The following NELL1 variants were observed in gnomAD, a reference collection of about 807,000 sequenced individuals.
NELL1 encodes the protein neural EGFL like 1.
In NELL1, 76 loss-of-function variants were observed where a neutral mutation model predicts 107.4. That is an observed-to-expected ratio of 0.71 (90% CI 0.59 to 0.86). NELL1 has a LOEUF of 0.86. Ranked by LOEUF, NELL1 falls within the 40% of genes least tolerant of loss-of-function variation. The pLI is 0.00. For missense variants in NELL1, 1,024 were observed against 1,005.5 expected, an observed-to-expected ratio of 1.02 and a Z score of -0.25; for synonymous variants, 353 against 341.2, an observed-to-expected ratio of 1.03 and a Z score of -0.38.
intron 12 of NELL1, among the ~76,000 whole-genome samples, chr11:20,969,449 G>C (rs1399706866): frequency 1.3e-5 from 2 of 152,040 alleles, no homozygotes; most frequent in East Asian, 3.9e-4. Context: ...AATTAAGAGA[G>C]TCTTCAAACC....
At chr11:21,371,188 C>T (rs1851352258) in intron 15 of NELL1, among the ~76,000 whole-genome samples, 2 of 152,092 alleles carry the variant, frequency 1.3e-5, no homozygotes, top group African/African-American at 4.8e-5. Context: ...AGTATTTTCT[C>T]TGCTATAGCT....
intron 12 of NELL1, among the ~76,000 whole-genome samples, chr11:20,971,913 A>T (rs1851508326): frequency 6.6e-6 from 1 of 152,050 alleles, no homozygotes; most frequent in South Asian, 2.1e-4. Flanking sequence ...TCCTCAACAA[A>T]CTAACACAGG....
At chr11:20,689,082 A>G (rs1354351851) in intron 2 of NELL1, among the ~76,000 whole-genome samples, 1 of 151,936 alleles carries the variant, frequency 6.6e-6, no homozygotes, top group Non-Finnish European at 1.5e-5. Context: ...TTCTTTTGAA[A>G]AGTGTTTGTT....
intron 12 of NELL1, among the ~76,000 whole-genome samples, chr11:21,001,279 G>T (rs968862267): frequency 1.3e-5 from 2 of 152,188 alleles, no homozygotes; most frequent in East Asian, 3.9e-4. Context: ...CATTTATTTG[G>T]ACAAAGTTGT....
intron 14 of NELL1, among the ~76,000 whole-genome samples, chr11:21,316,914 G>T (rs1431114650): frequency 6.6e-6 from 1 of 151,922 alleles, no homozygotes; most frequent in East Asian, 1.9e-4. Flanking sequence ...CAAAGGCTGG[G>T]GTGGGAACAC....
intron 9 of NELL1, among the ~76,000 whole-genome samples, chr11:20,929,178 C>A (rs1328307401): frequency 6.6e-6 from 1 of 152,134 alleles, no homozygotes; most frequent in Non-Finnish European, 1.5e-5. Context: ...AAGCCCATAG[C>A]CTTTTTATCA....
intron 5 of NELL1, 81 bp from the exon 6 acceptor site, chr11:20,918,101 G>T: frequency 2.5e-6 from 2 of 811,428 alleles, no homozygotes; most frequent in South Asian, 1.4e-5. Context: ...AATCTGACCT[G>T]CCAAGAGTAT....
At chr11:20,881,212 C>G (rs1032556746) in intron 4 of NELL1, among the ~76,000 whole-genome samples, 2 of 152,204 alleles carry the variant, frequency 1.3e-5, no homozygotes, top group African/African-American at 4.8e-5. Flanking sequence ...AATAAAGAAC[C>G]TGTCTGTGAC....
intron 15 of NELL1, among the ~76,000 whole-genome samples, chr11:21,514,323 G>A (rs1855506903): frequency 6.6e-6 from 1 of 152,082 alleles, no homozygotes; most frequent in Admixed American, 6.6e-5. Flanking sequence ...TGAAGATGTT[G>A]GAGTTCCATG....
At chr11:20,670,847 C>T (rs547687560) in intron 1 of NELL1, among the ~76,000 whole-genome samples, 3 of 152,310 alleles carry the variant, frequency 2.0e-5, no homozygotes, top group Admixed American at 2.0e-4. Flanking sequence ...CTTTACCATC[C>T]TTATTTCCTT....
rs549710402 is a variant in NELL1 at position 21,377,839 on chromosome 11, T to C, written c.1645+6891T>C. Among the ~76,000 whole-genome samples the C allele has an allele frequency of 9.2e-5, 14 of 152,226 alleles. No homozygotes were observed. In the South Asian group the frequency reaches 2.9e-3, roughly 32 times the overall value. On this transcript the variant is annotated intron_variant, in intron 15 of 19. Transcript: ENST00000357134. ...TTTGTGTATGTAGTGGTGTTCATAATAGCCTGTGCGGATCTTTTGTATTTC... is the reference window on the plus strand; with the variant it reads ...TTTGTGTATGTAGTGGTGTTCATAACAGCCTGTGCGGATCTTTTGTATTTC...
intron 3 of NELL1, among the ~76,000 whole-genome samples, chr11:20,845,189 A>G (rs1439173813): frequency 1.3e-5 from 2 of 152,222 alleles, no homozygotes; most frequent in Admixed American, 1.3e-4. Context: ...ATGTGGCCAG[A>G]AACTTTAGTC....
chr11:21,344,001 C>A (rs1850631448), intron 14 of NELL1, among the ~76,000 whole-genome samples: 1 of 152,098 alleles, frequency 6.6e-6, no homozygotes, highest in African/African-American at 2.4e-5. Flanking sequence ...TGCTGTTGAA[C>A]ATTTTTAATT....
intron 12 of NELL1, among the ~76,000 whole-genome samples, chr11:21,048,312 C>T (rs1486589626): frequency 1.3e-5 from 2 of 152,076 alleles, no homozygotes; most frequent in Admixed American, 6.6e-5. Context: ...CTGGGTCAAT[C>T]TATGGTCATG....
At chr11:20,897,889 T>C (rs955714927) in intron 5 of NELL1, among the ~76,000 whole-genome samples, 1 of 152,022 alleles carries the variant, frequency 6.6e-6, no homozygotes, top group Admixed American at 6.5e-5. Flanking sequence ...CACCAGTTAG[T>C]ATGGCGATCA....
intron 13 of NELL1, among the ~76,000 whole-genome samples, chr11:21,131,162 C>T (rs957363360): frequency 4.0e-5 from 6 of 151,872 alleles, no homozygotes; most frequent in South Asian, 2.1e-4. Context: ...GCCACCTACC[C>T]GTTTGTTCAC....
At chr11:20,830,449 G>T (rs148166026) in intron 3 of NELL1, among the ~76,000 whole-genome samples, 4,870 of 147,588 alleles carry the variant, frequency 0.033, 107 homozygotes, top group Middle Eastern at 0.061. Flanking sequence ...CAACTCTCCT[G>T]CCTCAGCCTC....
chr11:21,571,800 G>A (rs894918601), intron 18 of NELL1, among the ~76,000 whole-genome samples: 4 of 151,856 alleles, frequency 2.6e-5, no homozygotes, highest in African/African-American at 9.7e-5. Flanking sequence ...GTCATGGAAT[G>A]TGATGTCCCA....
intron 14 of NELL1, among the ~76,000 whole-genome samples, chr11:21,239,159 A>T (rs996733673): frequency 6.6e-6 from 1 of 152,026 alleles, no homozygotes; most frequent in Non-Finnish European, 1.5e-5. Flanking sequence ...ATCTTCCCTG[A>T]TATCATTACA....
Sources: gnomAD v4.1 joint callset for allele counts (sites outside exome capture counted in the v4.1 genomes callset) on GRCh38, gnomAD v4.1.1 for gene constraint, MANE v1.5 for transcripts, NCBI Gene and HGNC (gene_info 2026-07-23, HGNC 2026-07-21) for gene names.